Variants in FGF12 observed in about 807,000 individuals in gnomAD.
The protein encoded by FGF12 is fibroblast growth factor 12, also known as fibroblast growth factor 12B.
FGF12 carries 14 observed loss-of-function variants against 23.6 expected under a neutral mutation model. The ratio of observed to expected loss-of-function variants is 0.59; its 90% CI spans 0.39 to 0.93. The LOEUF is 0.93. Ranked by LOEUF, FGF12 falls within the 40% of genes least tolerant of loss-of-function variation. FGF12 has a pLI of 0.00. For synonymous variants in FGF12, 62 were observed against 77.3 expected (o/e 0.80, Z 1.04); for missense variants, 175 against 217.8 (o/e 0.80, Z 1.24).
chr3:192,614,271 T>A (rs1433217462), intron 2 of FGF12, among the ~76,000 whole-genome samples: 1 of 151,928 alleles, frequency 6.6e-6, no homozygotes, highest in African/African-American at 2.4e-5. Flanking sequence ...AAATCCTCCT[T>A]TTTTCAAACA....
chr3:192,596,838 C>G (rs9836391), intron 2 of FGF12, among the ~76,000 whole-genome samples: 4,731 of 152,200 alleles, frequency 0.031, 248 homozygotes, highest in African/African-American at 0.11. Flanking sequence ...CTATTCCACC[C>G]AATTAATCAG....
chr3:192,199,805 A>G (rs2108659869), intron 4 of FGF12, among the ~76,000 whole-genome samples: 1 of 152,346 alleles, frequency 6.6e-6, no homozygotes, highest in Admixed American at 6.5e-5. Flanking sequence ...TGATTGTATC[A>G]TACGCCACTC....
At chr3:192,397,923 A>C (rs1351281409) in intron 2 of FGF12, among the ~76,000 whole-genome samples, 5 of 148,546 alleles carry the variant, frequency 3.4e-5, no homozygotes, top group Non-Finnish European at 5.9e-5. Context: ...ATTAATATAC[A>C]ACATTTAAAT....
intron 2 of FGF12, among the ~76,000 whole-genome samples, chr3:192,474,713 C>T (rs1279894919): frequency 6.6e-6 from 1 of 152,010 alleles, no homozygotes; most frequent in African/African-American, 2.4e-5. Context: ...TGGTGAAACC[C>T]TGTCTCTACT....
chr3:192,708,898 A>G (rs1167985485), intron 2 of FGF12, among the ~76,000 whole-genome samples: 5 of 152,222 alleles, frequency 3.3e-5, no homozygotes, highest in African/African-American at 1.2e-4. Context: ...TTAATATTAT[A>G]TTACTGATAA....
chr3:192,612,035 G>A (rs2108640323), intron 2 of FGF12, among the ~76,000 whole-genome samples: 1 of 152,064 alleles, frequency 6.6e-6, no homozygotes, highest in Non-Finnish European at 1.5e-5. Flanking sequence ...CAGAGGCTCT[G>A]GGATTATAAT....
Position 192,312,270 on chromosome 3 carries a change from C to A in FGF12, c.228+23091G>T, listed in dbSNP as rs79289154. Among the ~76,000 whole-genome samples, 461 of 152,196 alleles carry A rather than the reference C, an allele frequency of 3.0e-3. 1 individual carries two copies. The highest frequency in any genetic ancestry group is 0.01 in the African/African-American group (427 of 41,538). ...TCATAAAAGTTTACTCCTATGCTTTCTTCCATGAGTTTTATGGTCTTAGCT... is the reference window on the plus strand; with the variant it reads ...TCATAAAAGTTTACTCCTATGCTTTATTCCATGAGTTTTATGGTCTTAGCT... On this transcript the variant is annotated intron_variant, in intron 4 of 5. Transcript: ENST00000445105.
chr3:192,606,996 C>G (rs980702842), intron 2 of FGF12, among the ~76,000 whole-genome samples: 1 of 152,068 alleles, frequency 6.6e-6, no homozygotes, highest in African/African-American at 2.4e-5. Context: ...GCTTCAAGGA[C>G]AACCCCCTCC....
chr3:192,726,761 CA>C (rs1299574491), intron 2 of FGF12: 2 of 199,450 alleles, frequency 1.0e-5, no homozygotes, highest in Middle Eastern at 2.1e-3. Flanking sequence ...GAAATTCAAA[CA>C]TTTTTTTTTT....
chr3:192,525,775 T>C (rs1357898150), intron 2 of FGF12, among the ~76,000 whole-genome samples: 1 of 152,170 alleles, frequency 6.6e-6, no homozygotes, highest in Non-Finnish European at 1.5e-5. Context: ...TCACCGTTTT[T>C]TTCTTTTCTA....
intron 2 of FGF12, among the ~76,000 whole-genome samples, chr3:192,487,499 C>T (rs774492357): frequency 6.6e-6 from 1 of 152,056 alleles, no homozygotes; most frequent in Non-Finnish European, 1.5e-5. Flanking sequence ...GTCTCAAGCT[C>T]GCCTGTTCGA....
chr3:192,545,077 C>T (rs548453206), intron 2 of FGF12, among the ~76,000 whole-genome samples: 32 of 152,270 alleles, frequency 2.1e-4, no homozygotes, highest in South Asian at 4.1e-4. Context: ...CCAAGGGAAG[C>T]GAGCCCCACA....
chr3:192,264,090 C>T (rs1359391808), intron 4 of FGF12, among the ~76,000 whole-genome samples: 3 of 151,996 alleles, frequency 2.0e-5, no homozygotes, highest in Non-Finnish European at 4.4e-5. Context: ...ATGAATCAAT[C>T]CTCCCATCAA....
intron 2 of FGF12, among the ~76,000 whole-genome samples, chr3:192,417,140 G>A (rs1388720540): frequency 1.3e-5 from 2 of 151,994 alleles, no homozygotes; most frequent in Admixed American, 1.3e-4. Context: ...ATTGTCTCCT[G>A]GTTGGTTGAG....
intron 2 of FGF12, among the ~76,000 whole-genome samples, chr3:192,603,129 C>T (rs1460819829): frequency 6.6e-6 from 1 of 152,112 alleles, no homozygotes; most frequent in East Asian, 1.9e-4. Flanking sequence ...TGGAACAAGA[C>T]ATGATGTCCA....
chr3:192,385,672 C>A (rs575640209), intron 2 of FGF12, among the ~76,000 whole-genome samples: 1 of 152,258 alleles, frequency 6.6e-6, no homozygotes, highest in South Asian at 2.1e-4. Context: ...TATGTCCAAG[C>A]AACATCCACC....
rs36061162 is a variant in FGF12, at chr3:192,607,846, T to TAAAA, written c.13+119331_13+119334dup. ...AACATACCCAGAGAACACTGAAAAT[T>TAAAA]AAAAAAAAAAAAAAAAAAAAAGAAG... On this transcript the variant is annotated intron_variant, in intron 2 of 5. Transcript: ENST00000445105. Among the ~76,000 whole-genome samples, 121 of 122,028 alleles carry TAAAA rather than the reference T, an allele frequency of 9.9e-4. 1 individual carries two copies. Among genetic ancestry groups the TAAAA allele is most frequent in the African/African-American group, 3.7e-3 (115 of 31,294 alleles). 80.1% of individuals were successfully genotyped at this position (122,028 alleles called of 152,430 possible).
chr3:192,681,111 T>C (rs1717510178), intron 2 of FGF12, among the ~76,000 whole-genome samples: 2 of 152,280 alleles, frequency 1.3e-5, no homozygotes, highest in Admixed American at 1.3e-4. Flanking sequence ...CTCAATATAA[T>C]ATAGAGCACA....
intron 4 of FGF12, among the ~76,000 whole-genome samples, chr3:192,181,628 TG>T (rs1716181707): frequency 1.4e-5 from 2 of 146,490 alleles, no homozygotes; most frequent in Non-Finnish European, 1.5e-5. Context: ...AGAAGTAATT[TG>T]TTTTTTTTTT....
Sources: gnomAD v4.1 joint callset for allele counts (sites outside exome capture counted in the v4.1 genomes callset) on GRCh38, gnomAD v4.1.1 for gene constraint, MANE v1.5 for transcripts, NCBI Gene and HGNC (gene_info 2026-07-23, HGNC 2026-07-21) for gene names.